VEZF1: variants seen among roughly 807,000 people sequenced by gnomAD.
VEZF1 encodes vascular endothelial zinc finger 1.
A neutral mutation model predicts 44.1 loss-of-function variants in VEZF1; 5 were observed. The ratio of observed to expected loss-of-function variants is 0.11; its 90% confidence interval spans 0.06 to 0.24. The LOEUF (loss-of-function observed/expected upper bound fraction) is 0.24, where lower values mean the gene tolerates loss of function less well. VEZF1 is among the 10% of genes least tolerant of loss of function. The pLI is 1.00. For missense variants in VEZF1, 358 were observed against 641.8 expected (o/e 0.56, Z 4.78); for synonymous variants, 236 against 233.1 (o/e 1.01, Z -0.11).
Position 57,973,262 on chromosome 17 carries a change from A to G in VEZF1, c.*1211T>C, listed in dbSNP as rs1363499245. 1.3e-5 allele frequency: 2 copies of G among 152,220 alleles called. No individual in the cohort carries two copies. Among genetic ancestry groups the G allele is most frequent in the Admixed American group, 1.3e-4 (2 of 15,286 alleles). 9.4% of individuals were successfully genotyped at this position (152,220 alleles called of 1,614,324 possible). The stretch of plus-strand genomic sequence containing the variant: ...CTGGGTTTCTACAGGGAATGCAGAC[A>G]GCTGTCTCCCTGAAAACACCACAAA... On this transcript the variant is annotated 3_prime_UTR_variant, in exon 6 of 6. Coordinates refer to ENST00000581208, the MANE Select transcript of VEZF1 (RefSeq NM_007146.3).
chr17:57,978,396 G>A (rs147943999), intron 5 of VEZF1, among the ~76,000 whole-genome samples: 1 of 152,278 alleles, frequency 6.6e-6, no homozygotes, highest in Non-Finnish European at 1.5e-5. Flanking sequence ...TTACAAATCT[G>A]TCCTTTGGCT....
Position 57,980,799 on chromosome 17 carries a change from G to A in VEZF1, c.793-13C>T. ...CAGCAGTGCACGTCTGCATGAGGGA[G>A]GAAAACTTTTTTTAAATATAGACTA... is the stretch of plus-strand genomic sequence containing the variant. On this transcript the variant is annotated splice_polypyrimidine_tract_variant and intron_variant, in intron 3 of 5. Transcript: ENST00000581208. 1 of 1,613,864 alleles carries A rather than the reference G, an allele frequency of 6.2e-7. No individual in the cohort carries two copies. The highest frequency in any genetic ancestry group is 8.5e-7 in the Non-Finnish European group (1 of 1,179,862).
At chr17:57,984,388 A>C (rs1013458946) in intron 1 of VEZF1, among the ~76,000 whole-genome samples, 2 of 152,172 alleles carry the variant, frequency 1.3e-5, no homozygotes, top group Non-Finnish European at 2.9e-5. Flanking sequence ...AATTCTCCAT[A>C]CTGATAAACA....
intron 1 of VEZF1, chr17:57,986,204 T>C (rs2075292021): frequency 6.6e-6 from 1 of 152,230 alleles, no homozygotes; most frequent in Non-Finnish European, 1.5e-5. Context: ...ACGCTTGGCA[T>C]TTGTTTTACC....
intron 1 of VEZF1, among the ~76,000 whole-genome samples, chr17:57,984,201 A>G (rs986923633): frequency 6.6e-6 from 1 of 152,214 alleles, no homozygotes; most frequent in Non-Finnish European, 1.5e-5. Flanking sequence ...ATCTTCTTCC[A>G]GCAGTTGTAG....
intron 1 of VEZF1, 144 bp from the exon 2 acceptor site, chr17:57,983,537 T>TAA: frequency 1.4e-6 from 1 of 711,774 alleles, no homozygotes; most frequent in Non-Finnish European, 2.3e-6. Flanking sequence ...ACCACCTAGT[T>TAA]ACTCTAAGAG....
chr17:57,977,969 G>A (rs1212720251), intron 5 of VEZF1, among the ~76,000 whole-genome samples: 1 of 152,096 alleles, frequency 6.6e-6, no homozygotes, highest in Non-Finnish European at 1.5e-5. Context: ...TTAGGAGTCT[G>A]AGGCGGGTGG....
chr17:57,982,904 C>G lies in VEZF1; in HGVS notation c.523G>C (p.Ala175Pro). ...KPSKPVKKNHACEMCGKAFRD... is the reference protein window; with the variant it reads ...KPSKPVKKNHPCEMCGKAFRD... The stretch of plus-strand genomic sequence containing the variant: ...AAGGCCTTCCCACACATCTCACAAG[C>G]ATGGTTCTTCTTGACAGGCTTACTG... Residue 175 changes from alanine to proline, a missense_variant, in exon 2 of 6, where the codon GCT (alanine) becomes CCT (proline). Transcript: ENST00000581208. The G allele has an allele frequency of 1.2e-6, 2 of 1,614,200 alleles. No homozygotes were observed. Among genetic ancestry groups the G allele is most frequent in the Non-Finnish European group, 8.5e-7 (1 of 1,180,036 alleles).
rs4048254 is a variant in VEZF1 at position 57,974,156 on chromosome 17, GTTT to G, written c.*314_*316del. On this transcript the variant is annotated 3_prime_UTR_variant, in exon 6 of 6. Transcript: ENST00000581208. ...CCTTGGGATTAGAAATAGTAATGCT[GTTT>G]TTTTATTTTGAAGTGGGTTCTACTT... 3.1e-6 allele frequency: 1 copy of G among 323,778 alleles called. No individual in the cohort carries two copies. Among genetic ancestry groups the G allele is most frequent in the African/African-American group, 2.1e-5 (1 of 47,910 alleles). The allele number at this position is 323,778 out of a possible 1,614,324, so 20.1% of individuals were successfully genotyped here. A position where few individuals can be genotyped will look rare whatever the true frequency, so the allele number is the denominator to read the frequency against.
rs1395424186 is a variant in VEZF1, at chr17:57,972,968, AC to A, written c.*1504del. On this transcript the variant is annotated 3_prime_UTR_variant, in exon 6 of 6. Coordinates refer to ENST00000581208, the MANE Select transcript of VEZF1 (RefSeq NM_007146.3). Reference sequence around the variant, plus strand: ...TCCAGTTTGATAGTCAGTCCTGCAAACATTCTGCAAGATTAACACAACTAAT... The same window carrying A: ...TCCAGTTTGATAGTCAGTCCTGCAAAATTCTGCAAGATTAACACAACTAAT... 1 of 152,588 alleles carries A rather than the reference AC, an allele frequency of 6.6e-6. No individual in the cohort carries two copies. The highest frequency in any genetic ancestry group is 2.4e-5 in the African/African-American group (1 of 41,448). 9.5% of individuals were successfully genotyped at this position (152,588 alleles called of 1,614,324 possible).
chr17:57,979,095 A>T (rs541780235), intron 5 of VEZF1, 57 bp downstream of exon 5: 1 of 1,578,662 alleles, frequency 6.3e-7, no homozygotes, highest in South Asian at 1.2e-5. Context: ...ATCACTTGGC[A>T]TACTAAATGA....
intron 1 of VEZF1, among the ~76,000 whole-genome samples, chr17:57,987,308 G>T (rs1351421726): frequency 2.0e-5 from 3 of 152,052 alleles, no homozygotes; most frequent in African/African-American, 7.2e-5. Context: ...CCGGCTGGGG[G>T]ATTCCCCAGG....
intron 5 of VEZF1, 143 bp from the exon 6 acceptor site, chr17:57,975,043 A>G (rs151297492): frequency 0.013 from 12,632 of 983,096 alleles, 113 homozygotes; most frequent in Non-Finnish European, 0.016. Context: ...TCAACAGAAC[A>G]GAGGATCTTT....
chr17:57,985,328 G>A (rs2075285082), intron 1 of VEZF1: 1 of 1,231,272 alleles, frequency 8.1e-7, no homozygotes, highest in African/African-American at 1.6e-5. Flanking sequence ...ACTCTCACAG[G>A]AGGGTCACAC....
chr17:57,986,428 A>G (rs2075294342), intron 1 of VEZF1, among the ~76,000 whole-genome samples: 1 of 152,218 alleles, frequency 6.6e-6, no homozygotes, highest in South Asian at 2.1e-4. Context: ...TTTTCTGGGG[A>G]AAGTATTTGC....
intron 2 of VEZF1, among the ~76,000 whole-genome samples, chr17:57,982,217 G>C (rs2075255626): frequency 6.6e-6 from 1 of 152,128 alleles, no homozygotes; most frequent in South Asian, 2.1e-4. Context: ...CTTAACACTT[G>C]CCAGAAACAG....
At chr17:57,975,605 ACTC>A (rs1409418504) in intron 5 of VEZF1, among the ~76,000 whole-genome samples, 1 of 152,122 alleles carries the variant, frequency 6.6e-6, no homozygotes, top group African/African-American at 2.4e-5. Flanking sequence ...AGAAAAAAAT[ACTC>A]CTCAATAAGT....
chr17:57,985,444 C>A, intron 1 of VEZF1: 1 of 1,222,364 alleles, frequency 8.2e-7, no homozygotes, highest in Non-Finnish European at 1.0e-6. Flanking sequence ...TAAGGGGGAA[C>A]TGGGTTTTCC....
At chr17:57,980,335 T>C (rs537841879) in intron 4 of VEZF1, among the ~76,000 whole-genome samples, 55 of 152,338 alleles carry the variant, frequency 3.6e-4, no homozygotes, top group Non-Finnish European at 7.6e-4. Flanking sequence ...TGATATCTCA[T>C]TTCTCTACAG....
Sources: gnomAD v4.1 joint callset for allele counts (sites outside exome capture counted in the v4.1 genomes callset) on GRCh38, gnomAD v4.1.1 for gene constraint, MANE v1.5 for transcripts, NCBI Gene and HGNC (gene_info 2026-07-23, HGNC 2026-07-21) for gene names.